ALDH18A1: variants seen among roughly 807,000 people sequenced by gnomAD.
ALDH18A1 encodes the protein aldehyde dehydrogenase 18 family member A1.
Under a neutral mutation model 88.8 loss-of-function variants are expected in ALDH18A1, and 44 were observed. The observed-to-expected ratio is 0.50, with a 90% CI of 0.39 to 0.64. The LOEUF (loss-of-function observed/expected upper bound fraction) is 0.64, where lower values mean the gene tolerates loss of function less well. Ranked by LOEUF, ALDH18A1 falls within the 30% of genes least tolerant of loss-of-function variation. The pLI is 0.00. For synonymous variants in ALDH18A1, 331 were observed against 372.1 expected (o/e 0.89, Z 1.27); for missense variants, 782 against 1,009.5 (o/e 0.77, Z 3.05).
At chr10:95,615,654 T>C (rs1157165827) in intron 13 of ALDH18A1, among the ~76,000 whole-genome samples, 3 of 152,158 alleles carry the variant, frequency 2.0e-5, no homozygotes, top group Admixed American at 2.0e-4. Context: ...TTCCAACCAC[T>C]ATGTGGGCAT....
intron 7 of ALDH18A1, among the ~76,000 whole-genome samples, chr10:95,631,405 T>C (rs1461878464): frequency 1.3e-5 from 2 of 152,132 alleles, no homozygotes; most frequent in Non-Finnish European, 2.9e-5. Flanking sequence ...CAGTAAGATA[T>C]TACTTCACAC....
chr10:95,608,068 T>A (rs1225622691), intron 17 of ALDH18A1, among the ~76,000 whole-genome samples: 5 of 152,234 alleles, frequency 3.3e-5, no homozygotes, highest in Non-Finnish European at 7.3e-5. Flanking sequence ...AGTGAGAGCA[T>A]GCTTGCGACA....
intron 3 of ALDH18A1, among the ~76,000 whole-genome samples, chr10:95,641,824 A>G (rs1427090841): frequency 2.6e-5 from 4 of 151,296 alleles, no homozygotes; most frequent in Admixed American, 2.0e-4. Context: ...AAATTTTTGT[A>G]GAGATGGGGG....
intron 2 of ALDH18A1, among the ~76,000 whole-genome samples, chr10:95,649,369 T>C (rs2097906408): frequency 6.6e-6 from 1 of 150,398 alleles, no homozygotes; most frequent in African/African-American, 2.5e-5. Context: ...TTTTTTTTTT[T>C]TTTGAAACGG....
intron 1 of ALDH18A1, among the ~76,000 whole-genome samples, chr10:95,654,739 T>A (rs2097915327): frequency 6.6e-6 from 1 of 151,376 alleles, no homozygotes; most frequent in South Asian, 2.1e-4. Flanking sequence ...TGATCTTTGT[T>A]ATTTCAATTT....
chr10:95,631,586 T>C (rs1002452340), intron 7 of ALDH18A1, among the ~76,000 whole-genome samples: 13 of 151,382 alleles, frequency 8.6e-5, no homozygotes, highest in African/African-American at 3.2e-4. Flanking sequence ...CTACTAAATA[T>C]ACAAAAATTA....
At position 95,628,606 on chromosome 10, in the gene ALDH18A1, T is replaced by C. The variant is rs890650714; in HGVS notation, c.809-114A>G. ...CTTTACTCATCCAAATGAATTCCAC[T>C]GCACTACCACCTGCTTTAACCAGAA... On this transcript the variant is annotated intron_variant, in intron 7 of 17. Transcript: ENST00000371224. 4.7e-6 allele frequency: 6 copies of C among 1,286,792 alleles called. No homozygotes were observed. In the Admixed American group the frequency reaches 9.5e-5, roughly 20 times the overall value. 79.7% of individuals were successfully genotyped at this position (1,286,792 alleles called of 1,614,324 possible).
Position 95,641,520 on chromosome 10 carries a change from C to T in ALDH18A1, c.303+1472G>A, listed in dbSNP as rs536232689. ...TTTTGTTTTTTTTTTTCTGCAGGGG[C>T]GGGTGGGGGGGTGGTCAGGGTTTTG... is the stretch of plus-strand genomic sequence containing the variant. On this transcript the variant is annotated intron_variant, in intron 3 of 17. Transcript: ENST00000371224. Among the ~76,000 whole-genome samples the T allele has an allele frequency of 8.9e-3, 66 of 7,422 alleles. 1 individual carries two copies. Among genetic ancestry groups the T allele is most frequent in the Admixed American group, 0.039 (23 of 594 alleles). The allele number at this position is 7,422 out of a possible 152,430, so 4.9% of individuals were successfully genotyped here. A position where few individuals can be genotyped will look rare whatever the true frequency, so the allele number is the denominator to read the frequency against.
chr10:95,614,367 G>A (rs546224525), intron 13 of ALDH18A1, among the ~76,000 whole-genome samples: 10 of 152,268 alleles, frequency 6.6e-5, no homozygotes, highest in African/African-American at 2.4e-4. Context: ...CTATATACTC[G>A]GTGCTGTGCT....
chr10:95,632,905 A>C, intron 7 of ALDH18A1, 54 bp downstream of exon 7: 2 of 1,450,440 alleles, frequency 1.4e-6, no homozygotes, highest in Admixed American at 3.4e-5. Flanking sequence ...ATGTGCTCAC[A>C]TATGTAGCAT....
At chr10:95,607,537 AATC>A (rs945116371) in intron 17 of ALDH18A1, among the ~76,000 whole-genome samples, 2 of 152,134 alleles carry the variant, frequency 1.3e-5, no homozygotes, top group African/African-American at 4.8e-5. Flanking sequence ...GGGTTCCCTC[AATC>A]ATCACAACTT....
intron 2 of ALDH18A1, among the ~76,000 whole-genome samples, chr10:95,651,916 C>T (rs555272887): frequency 2.0e-5 from 3 of 152,214 alleles, no homozygotes; most frequent in Non-Finnish European, 2.9e-5. Context: ...CACACAAAAT[C>T]CTGTACATCA....
chr10:95,655,933 C>T lies in ALDH18A1; in HGVS notation c.-29+664G>A, dbSNP rs116783459. ...AAACACATGCTCGGTATATGGCTCA[C>T]CACTTAAATACAAAGATCCGATGGG... On this transcript the variant is annotated intron_variant, in intron 1 of 17. Coordinates refer to ENST00000371224, the MANE Select transcript of ALDH18A1 (RefSeq NM_002860.4). Among the ~76,000 whole-genome samples the T allele has an allele frequency of 3.3e-3, 501 of 152,244 alleles. 2 individuals are homozygous for T. Among genetic ancestry groups the T allele is most frequent in the African/African-American group, 0.011 (474 of 41,536 alleles).
intron 15 of ALDH18A1, among the ~76,000 whole-genome samples, chr10:95,613,105 A>T (rs936555092): frequency 5.9e-5 from 9 of 152,240 alleles, no homozygotes; most frequent in Admixed American, 3.9e-4. Flanking sequence ...AAATGCATCC[A>T]TGCAGAGAGT....
intron 16 of ALDH18A1, 85 bp from the exon 17 acceptor site, chr10:95,610,377 G>T: frequency 7.3e-7 from 1 of 1,368,782 alleles, no homozygotes. Context: ...GACAGATCAG[G>T]GCAGGGTCTG....
intron 7 of ALDH18A1, among the ~76,000 whole-genome samples, chr10:95,630,720 G>A (rs2097867716): frequency 6.6e-6 from 1 of 151,968 alleles, no homozygotes; most frequent in African/African-American, 2.4e-5. Context: ...CAGGGGGGTG[G>A]GGAGAATGAA....
At chr10:95,647,750 C>T (rs2097903558) in intron 2 of ALDH18A1, among the ~76,000 whole-genome samples, 1 of 152,238 alleles carries the variant, frequency 6.6e-6, no homozygotes, top group Non-Finnish European at 1.5e-5. Context: ...CTATTAGTAT[C>T]AGGTCACATT....
chr10:95,637,656 C>A (rs1438634578), intron 3 of ALDH18A1, among the ~76,000 whole-genome samples: 2 of 152,130 alleles, frequency 1.3e-5, no homozygotes, highest in East Asian at 3.9e-4. Context: ...AAAAATCAGA[C>A]ATTTTAATTT....
At chr10:95,642,506 T>C (rs1403050784) in intron 3 of ALDH18A1, among the ~76,000 whole-genome samples, 1 of 152,148 alleles carries the variant, frequency 6.6e-6, no homozygotes, top group African/African-American at 2.4e-5. Context: ...CTGCAGCTAC[T>C]CGGGAGGCTG....
Sources: gnomAD v4.1 joint callset for allele counts (sites outside exome capture counted in the v4.1 genomes callset) on GRCh38, gnomAD v4.1.1 for gene constraint, MANE v1.5 for transcripts, NCBI Gene and HGNC (gene_info 2026-07-23, HGNC 2026-07-21) for gene names.